The following PPFIBP2 variants were observed in gnomAD, a reference collection of about 807,000 sequenced individuals.
PPFIBP2 encodes PPFIB scaffold protein 2.
In PPFIBP2, 118 loss-of-function variants were observed where a neutral mutation model predicts 118.3. That is an observed-to-expected ratio of 1.00 (90% CI 0.86 to 1.16). The LOEUF (loss-of-function observed/expected upper bound fraction) is 1.16. Among genes scored for constraint, PPFIBP2 ranks in the 50% most tolerant of loss-of-function variants. The pLI is 0.00. For synonymous variants in PPFIBP2, 414 were observed against 397.4 expected, an observed-to-expected ratio of 1.04 and a Z score of -0.50; for missense variants, 1,195 against 1,073.1, an observed-to-expected ratio of 1.11 and a Z score of -1.59.
Position 7,649,578 on chromosome 11 carries a change from G to C in PPFIBP2, c.2045G>C (p.Ser682Thr). Residue 682 changes from serine (S) to threonine (T), a missense_variant, in exon 21 of 24, where the codon AGC (serine) becomes ACC (threonine). Physicochemically the swap from Ser to Thr is moderately conservative, Grantham distance 58. Coordinates refer to ENST00000299492, the MANE Select transcript of PPFIBP2 (RefSeq NM_003621.5). ...GTCACCAGCCAACTACATCATCTCA[G>C]CATCAAATGTGCCATTCACGTGCTG... is the stretch of plus-strand genomic sequence containing the variant. ...LKVTSQLHHL[S>T]IKCAIHVLHV... The C allele has an allele frequency of 6.2e-7, 1 of 1,614,202 alleles. No homozygotes were observed. The highest frequency in any genetic ancestry group is 8.5e-7 in the Non-Finnish European group (1 of 1,180,054).
chr11:7,664,019 G>A, the PPFIBP2 span, among the ~76,000 whole-genome samples: 30 of 152,004 alleles, frequency 2.0e-4, 1 homozygote, highest in Admixed American at 4.6e-4. Context: ...CACACGGTGC[G>A]CGCACCCACT....
At chr11:7,665,889 G>A in the PPFIBP2 span, 4 of 1,536,040 alleles carry the variant, frequency 2.6e-6, no homozygotes, top group Non-Finnish European at 3.5e-6. Context: ...TGGTGTTAGT[G>A]GAACTGCGCA....
At chr11:7,562,930 T>TATATATAC in intron 2 of PPFIBP2, among the ~76,000 whole-genome samples, 1 of 1,652 alleles carries the variant, frequency 6.1e-4, no homozygotes, top group South Asian at 0.015. Flanking sequence ...ATTAAAGTTT[T>TATATATAC]ATATATATAT....
chr11:7,634,319 C>A (rs541403977), intron 12 of PPFIBP2, among the ~76,000 whole-genome samples, 176 bp from the exon 13 acceptor site: 30 of 152,280 alleles, frequency 2.0e-4, no homozygotes, highest in African/African-American at 6.7e-4. Context: ...CCAGTCTGTC[C>A]CCCAAGGTGG....
At chr11:7,655,764 C>G (rs1006559872), downstream of PPFIBP2, among the ~76,000 whole-genome samples, 9 of 151,830 alleles carry the variant, frequency 5.9e-5, no homozygotes, top group African/African-American at 2.2e-4. Context: ...CACACTAGAT[C>G]TCAGGTCCTC....
intron 1 of PPFIBP2, among the ~76,000 whole-genome samples, chr11:7,518,880 G>A (rs996331537): frequency 6.6e-6 from 1 of 152,214 alleles, no homozygotes; most frequent in African/African-American, 2.4e-5. Flanking sequence ...GAGTATGGGC[G>A]GGAGAGAAGG....
chr11:7,569,517 T>A (rs961558265), intron 3 of PPFIBP2, among the ~76,000 whole-genome samples: 8 of 152,158 alleles, frequency 5.3e-5, no homozygotes, highest in Non-Finnish European at 1.0e-4. Flanking sequence ...GGGGCCTCAG[T>A]GGGGCAAGGA....
chr11:7,634,685 A>G, intron 13 of PPFIBP2, 133 bp downstream of exon 13: 1 of 709,540 alleles, frequency 1.4e-6, no homozygotes, highest in Non-Finnish European at 2.5e-6. Context: ...AGCAGGAATT[A>G]CATGAACATT....
chr11:7,615,010 G>A (rs554340980), intron 6 of PPFIBP2, among the ~76,000 whole-genome samples: 1 of 152,160 alleles, frequency 6.6e-6, no homozygotes, highest in Non-Finnish European at 1.5e-5. Flanking sequence ...AAACAGACCT[G>A]TTAGGAGGTG....
Position 7,589,613 on chromosome 11 carries a change from A to C in PPFIBP2, c.280-3519A>C, listed in dbSNP as rs7478685. 8.8e-3 allele frequency among the ~76,000 whole-genome samples: 1,317 copies of C among 149,472 alleles called. 9 individuals carry two copies. The highest frequency in any genetic ancestry group is 0.032 in the East Asian group (162 of 5,134). On this transcript the variant is annotated intron_variant, in intron 3 of 23. Coordinates refer to ENST00000299492, the MANE Select transcript of PPFIBP2 (RefSeq NM_003621.5). ...TCTCAAAAAGAACAACCCCCTCCCA[A>C]AAAAAAAAAAACCTCAGAAAATTAG...
intron 17 of PPFIBP2, among the ~76,000 whole-genome samples, chr11:7,644,823 C>G (rs11605594): frequency 1.3e-5 from 2 of 151,428 alleles, no homozygotes; most frequent in East Asian, 1.9e-4. Flanking sequence ...GTCAGGAGAT[C>G]GAGACCATCC....
chr11:7,558,958 G>T (rs933254485), intron 2 of PPFIBP2, among the ~76,000 whole-genome samples: 34 of 152,092 alleles, frequency 2.2e-4, no homozygotes, highest in Non-Finnish European at 8.8e-5. Context: ...TTCAGCTTAA[G>T]CATCATTTTA....
rs542014487 is a variant in PPFIBP2 at position 7,642,610 on chromosome 11, C to G, written c.1646+184C>G. 2.2e-4 allele frequency among the ~76,000 whole-genome samples: 34 copies of G among 152,310 alleles called. No homozygotes were observed. In the Middle Eastern group the frequency reaches 0.024, roughly 107 times the overall value. ...ACAATATCTCCTAAGTTCTGAGTTA[C>G]TCAGCCAAGATCAGTACTCCTGGAG... On this transcript the variant is annotated intron_variant, in intron 17 of 23. Coordinates refer to ENST00000299492, the MANE Select transcript of PPFIBP2 (RefSeq NM_003621.5).
At chr11:7,652,324 C>G (rs770898728) in intron 23 of PPFIBP2, among the ~76,000 whole-genome samples, 1 of 152,352 alleles carries the variant, frequency 6.6e-6, no homozygotes, top group East Asian at 1.9e-4. Flanking sequence ...GTCCCCAGGT[C>G]TTTCAAGCAC....
intron 1 of PPFIBP2, among the ~76,000 whole-genome samples, chr11:7,515,363 C>T (rs752815306): frequency 4.8e-4 from 73 of 152,284 alleles, no homozygotes; most frequent in Non-Finnish European, 5.6e-4. Flanking sequence ...AAGCTGCTTA[C>T]CATGATGCCT....
chr11:7,612,080 A>G (rs1848135619), intron 6 of PPFIBP2, among the ~76,000 whole-genome samples: 1 of 152,224 alleles, frequency 6.6e-6, no homozygotes. Context: ...GGGAGGAGAG[A>G]GACCTATGTC....
intron 5 of PPFIBP2, among the ~76,000 whole-genome samples, chr11:7,609,696 C>T (rs1847830971): frequency 6.6e-6 from 1 of 152,192 alleles, no homozygotes; most frequent in Admixed American, 6.5e-5. Context: ...TTCTTATTTA[C>T]ATTCCAGAGT....
At chr11:7,665,512 G>T in the PPFIBP2 span, 1 of 1,612,920 alleles carries the variant, frequency 6.2e-7, no homozygotes, top group African/African-American at 1.3e-5. Context: ...CCTTGATCAT[G>T]TCGGCAGTAA....
At chr11:7,638,254 G>A (rs912090677) in intron 14 of PPFIBP2, among the ~76,000 whole-genome samples, 9 of 152,138 alleles carry the variant, frequency 5.9e-5, no homozygotes, top group African/African-American at 1.7e-4. Context: ...AAGAGCAGCC[G>A]GCACATGAAC....
Sources: allele counts gnomAD v4.1 joint callset (sites outside exome capture counted in the v4.1 genomes callset), GRCh38; gene constraint gnomAD v4.1.1; transcripts MANE v1.5; gene names NCBI Gene and HGNC (gene_info 2026-07-23, HGNC 2026-07-21).